The following LRTM3 variants were observed in gnomAD, a reference collection of about 807,000 sequenced individuals.
The protein encoded by LRTM3 is leucine rich repeat transmembrane protein 3.
chr13:102,733,090 A>G, the LRTM3 span: 2 of 1,551,388 alleles, frequency 1.3e-6, no homozygotes, highest in Non-Finnish European at 1.7e-6. Flanking sequence ...TCTTGTCCAC[A>G]TCTGTTTCCG....
chr13:102,755,996 G>A, the LRTM3 span, among the ~76,000 whole-genome samples: 19 of 141,714 alleles, frequency 1.3e-4, no homozygotes, highest in African/African-American at 8.1e-5. Context: ...GAGTCGCTTC[G>A]TCTCCCAGGC....
At chr13:102,745,808 T>C in the LRTM3 span, 1 of 1,551,222 alleles carries the variant, frequency 6.4e-7, no homozygotes. Context: ...AAACCTAACA[T>C]GACTCTCTAC....
the LRTM3 span, among the ~76,000 whole-genome samples, chr13:102,753,453 C>G: frequency 6.7e-6 from 1 of 149,938 alleles, no homozygotes; most frequent in Non-Finnish European, 1.5e-5. Context: ...TGTAACAAAC[C>G]TGCACATACT....
At chr13:102,729,577 G>A in the LRTM3 span, 1 of 1,528,918 alleles carries the variant, frequency 6.5e-7, no homozygotes, top group Non-Finnish European at 8.8e-7. Flanking sequence ...TTTTCCTTAA[G>A]GTTTCAGGGG....
the LRTM3 span, chr13:102,742,652 T>C: frequency 1.3e-6 from 2 of 1,550,694 alleles, no homozygotes; most frequent in Non-Finnish European, 1.7e-6. Flanking sequence ...TACAACAGCA[T>C]AACCTGCAGT....
chr13:102,735,224 T>A, the LRTM3 span: 1 of 1,551,366 alleles, frequency 6.4e-7, no homozygotes, highest in Non-Finnish European at 8.7e-7. Flanking sequence ...ATACATTTTG[T>A]TGGGATCCAG....
At chr13:102,734,429 A>G in the LRTM3 span, 3 of 1,551,260 alleles carry the variant, frequency 1.9e-6, no homozygotes, top group Non-Finnish European at 1.7e-6. Context: ...TTTTCTTTGA[A>G]TCATACCTGG....
the LRTM3 span, chr13:102,744,697 G>A: frequency 1.9e-6 from 3 of 1,550,646 alleles, no homozygotes; most frequent in Non-Finnish European, 2.6e-6. Flanking sequence ...GTTGACTATA[G>A]CATGGAACTG....
At chr13:102,755,426 TA>T in the LRTM3 span, among the ~76,000 whole-genome samples, 2 of 151,836 alleles carry the variant, frequency 1.3e-5, no homozygotes, top group South Asian at 4.1e-4. Flanking sequence ...ATAGACTGGA[TA>T]AAAAAAATGT....
the LRTM3 span, chr13:102,750,441 A>C: frequency 9.8e-7 from 1 of 1,015,832 alleles, no homozygotes; most frequent in Non-Finnish European, 1.4e-6. Flanking sequence ...ATTTCGTATA[A>C]GAATTACCTT....
chr13:102,734,958 T>G, the LRTM3 span: 1 of 1,551,186 alleles, frequency 6.4e-7, no homozygotes, highest in Non-Finnish European at 8.7e-7. Context: ...CTTATACATG[T>G]GCCTCCCTCA....
At chr13:102,747,383 T>C in the LRTM3 span, 1 of 1,550,314 alleles carries the variant, frequency 6.5e-7, no homozygotes, top group Non-Finnish European at 8.7e-7. Context: ...ACCACATATA[T>C]TAATATAAGG....
At chr13:102,731,142 GCTT>G in the LRTM3 span, 1 of 1,551,336 alleles carries the variant, frequency 6.4e-7, no homozygotes, top group South Asian at 1.2e-5. Context: ...CCATTTTCTA[GCTT>G]ATTAATACTC....
chr13:102,736,342 T>G, the LRTM3 span: 9 of 1,551,114 alleles, frequency 5.8e-6, no homozygotes, highest in Non-Finnish European at 7.8e-6. Context: ...TGAACACTTG[T>G]GGAGGTGCTG....
At chr13:102,736,807 C>T in the LRTM3 span, 2 of 1,550,944 alleles carry the variant, frequency 1.3e-6, no homozygotes, top group African/African-American at 1.4e-5. Context: ...GGATCTGGGC[C>T]ATGTATTTTG....
the LRTM3 span, chr13:102,736,813 T>A: frequency 6.4e-7 from 1 of 1,551,038 alleles, no homozygotes; most frequent in South Asian, 1.2e-5. Flanking sequence ...GGGCCATGTA[T>A]TTTGTTCTGT....
chr13:102,735,854 G>A, the LRTM3 span: 1 of 1,542,022 alleles, frequency 6.5e-7, no homozygotes. Flanking sequence ...AAATGGAGGA[G>A]GAGGGAATGA....
the LRTM3 span, chr13:102,733,416 C>A: frequency 1.3e-6 from 2 of 1,551,168 alleles, no homozygotes; most frequent in Non-Finnish European, 8.7e-7. Context: ...TGCTGGTGAG[C>A]GTATCTCTCT....
At chr13:102,753,820 C>G in the LRTM3 span, among the ~76,000 whole-genome samples, 3 of 152,176 alleles carry the variant, frequency 2.0e-5, no homozygotes, top group African/African-American at 7.2e-5. Flanking sequence ...TCTCCAACAC[C>G]TGTTCTACCT....
Sources: allele counts gnomAD v4.1 joint callset (sites outside exome capture counted in the v4.1 genomes callset), GRCh38; gene constraint gnomAD v4.1.1; transcripts MANE v1.5; gene names NCBI Gene and HGNC (gene_info 2026-07-23, HGNC 2026-07-21).